The following YIF1B variants were observed in gnomAD, a reference collection of about 807,000 sequenced individuals.
YIF1B encodes the protein protein YIF1B.
A neutral mutation model predicts 34.6 loss-of-function variants in YIF1B; 24 were observed. That is an observed-to-expected ratio of 0.69 (90% CI 0.50 to 0.98). The LOEUF (loss-of-function observed/expected upper bound fraction) is 0.98. Ranked by LOEUF, YIF1B falls within the 50% of genes least tolerant of loss-of-function variation. The probability of loss-of-function intolerance (pLI) is 0.00; values close to 1 mark genes in which losing one functional copy is unlikely to be tolerated. For missense variants in YIF1B, 368 were observed against 429.4 expected (o/e 0.86, Z 1.26); for synonymous variants, 186 against 184.8 (o/e 1.01, Z -0.05).
Position 38,304,920 on chromosome 19 carries a change from A to T in YIF1B, c.*432T>A. On this transcript the variant is annotated 3_prime_UTR_variant, in exon 8 of 8. Transcript: ENST00000339413. ...GAAGCCCAAAGTGAAGAAGAAGGAG[A>T]AGGGCAAGAAGGAGAAGGGCAAGAA... The T allele has an allele frequency of 2.5e-6, 4 of 1,611,176 alleles. No individual in the cohort carries two copies. Among genetic ancestry groups the T allele is most frequent in the South Asian group, 1.1e-5 (1 of 90,832 alleles).
In YIF1B at chr19:38,304,362, C is replaced by T. The variant is rs770454639; in HGVS notation, c.*990G>A. ...GAAGCTGCCTGCACCAACCACCCAACTTCTCTCCACAGCCCTGGAGCCCAC... is the reference window on the plus strand; with the variant it reads ...GAAGCTGCCTGCACCAACCACCCAATTTCTCTCCACAGCCCTGGAGCCCAC... On this transcript the variant is annotated 3_prime_UTR_variant, in exon 8 of 8. Coordinates refer to ENST00000339413, the MANE Select transcript of YIF1B (RefSeq NM_001039672.3). The T allele has an allele frequency of 4.4e-6, 7 of 1,600,772 alleles. No homozygotes were observed. The African/African-American group carries it at 9.3e-5, about 21-fold the overall frequency.
At chr19:38,315,087 C>T (rs1016698372) in intron 1 of YIF1B, among the ~76,000 whole-genome samples, 3 of 151,618 alleles carry the variant, frequency 2.0e-5, no homozygotes, top group Non-Finnish European at 4.4e-5. Flanking sequence ...GGAGAAACCC[C>T]GTCTATACCA....
upstream of YIF1B, among the ~76,000 whole-genome samples, chr19:38,319,495 T>C (rs1600418390): frequency 6.6e-6 from 1 of 152,144 alleles, no homozygotes; most frequent in East Asian, 1.9e-4. Flanking sequence ...GAGAATTGGA[T>C]TTCAGTTTGC....
intron 1 of YIF1B, among the ~76,000 whole-genome samples, chr19:38,311,711 T>C (rs1320376235): frequency 6.6e-6 from 1 of 151,974 alleles, no homozygotes; most frequent in Non-Finnish European, 1.5e-5. Context: ...CAGACAGGAC[T>C]GGGGGTGTAA....
upstream of YIF1B, chr19:38,316,091 G>A: frequency 9.8e-7 from 1 of 1,022,150 alleles, no homozygotes; most frequent in East Asian, 3.3e-5. Flanking sequence ...ACTGGGCGGT[G>A]CCTTACGTAA....
intron 5 of YIF1B, 23 bp from the exon 6 acceptor site, chr19:38,307,775 C>G (rs768893705): frequency 3.2e-5 from 51 of 1,610,096 alleles, no homozygotes; most frequent in Non-Finnish European, 4.2e-5. Flanking sequence ...AGCCCCGCCA[C>G]TTGGTTGGCT....
At chr19:38,319,961 G>C (rs1359494296), upstream of YIF1B, 1 of 1,453,642 alleles carries the variant, frequency 6.9e-7, no homozygotes, top group Non-Finnish European at 9.0e-7. Flanking sequence ...ATGCGGAGGG[G>C]CGCGCTTCTG....
At chr19:38,312,026 C>T (rs1378396251) in intron 1 of YIF1B, among the ~76,000 whole-genome samples, 5 of 151,934 alleles carry the variant, frequency 3.3e-5, no homozygotes, top group African/African-American at 7.3e-5. Context: ...GAACCGGGAC[C>T]GGGGAGGTGG....
intron 1 of YIF1B, among the ~76,000 whole-genome samples, chr19:38,311,279 C>A (rs1292941550): frequency 6.6e-6 from 1 of 151,064 alleles, no homozygotes; most frequent in African/African-American, 2.4e-5. Context: ...ACAGTGAGAC[C>A]CTGTCTCAAA....
At chr19:38,315,275 C>A (rs902214283) in intron 1 of YIF1B, 6 of 598,532 alleles carry the variant, frequency 1.0e-5, no homozygotes, top group Non-Finnish European at 1.3e-5. Context: ...AAAGAAGTAT[C>A]CTCTTCCAGG....
chr19:38,309,744 A>C, intron 1 of YIF1B, 101 bp from the exon 2 acceptor site: 1 of 1,476,934 alleles, frequency 6.8e-7, no homozygotes, highest in Non-Finnish European at 8.9e-7. Flanking sequence ...GCTGCAGAGG[A>C]GGGTGGTGTC....
In YIF1B at chr19:38,309,394, C is replaced by T. The variant is rs201098193; in HGVS notation, c.297+11G>A. Reference sequence around the variant, plus strand: ...TGCATCCCCCCACTCCCACCAGCCCCGCCCACTCACGTTCTTATCCACCAG... The same window carrying T: ...TGCATCCCCCCACTCCCACCAGCCCTGCCCACTCACGTTCTTATCCACCAG... On this transcript the variant is annotated intron_variant, in intron 2 of 7. Coordinates refer to ENST00000339413, the MANE Select transcript of YIF1B (RefSeq NM_001039672.3). 79 of 1,612,552 alleles carry T rather than the reference C, an allele frequency of 4.9e-5. No individual in the cohort carries two copies. The East Asian group carries it at 1.4e-3, about 29-fold the overall frequency.
In YIF1B at chr19:38,305,022, T is replaced by A; in HGVS notation, c.*330A>T. 6.4e-7 allele frequency: 1 copy of A among 1,553,028 alleles called. No homozygotes were observed. Among genetic ancestry groups the A allele is most frequent in the Non-Finnish European group, 8.7e-7 (1 of 1,148,180 alleles). ...CTCTGCCTTCTGCGACTGGTCAGCG[T>A]GGTGCCTACTCTGGCCCGTCCCCAG... On this transcript the variant is annotated 3_prime_UTR_variant, in exon 8 of 8. Coordinates refer to ENST00000339413, the MANE Select transcript of YIF1B (RefSeq NM_001039672.3).
Position 38,305,306 on chromosome 19 carries a change from T to C in YIF1B, c.*46A>G, listed in dbSNP as rs1387718952. On this transcript the variant is annotated 3_prime_UTR_variant, in exon 8 of 8. Transcript: ENST00000339413. Reference sequence around the variant, plus strand: ...CAGGAGATGAGTTCGGCGGCCACAGTGGCCCCCAGCAGCAGCAGCAGCAGC... The same window carrying C: ...CAGGAGATGAGTTCGGCGGCCACAGCGGCCCCCAGCAGCAGCAGCAGCAGC... 2.5e-6 allele frequency: 4 copies of C among 1,579,976 alleles called. No homozygotes were observed. Among genetic ancestry groups the C allele is most frequent in the African/African-American group, 1.3e-5 (1 of 74,540 alleles).
upstream of YIF1B, among the ~76,000 whole-genome samples, chr19:38,318,136 C>T (rs1253608149): frequency 3.1e-5 from 4 of 130,346 alleles, no homozygotes; most frequent in East Asian, 4.7e-4. Flanking sequence ...GAGGTTGCAG[C>T]GAGCCGAGAT....
chr19:38,306,963 G>A (rs1360321649), intron 7 of YIF1B: 4 of 471,604 alleles, frequency 8.5e-6, no homozygotes, highest in East Asian at 6.9e-5. Context: ...TTACAAGCAT[G>A]AGCCACCGCG....
rs577128420 is a variant in YIF1B at position 38,303,841 on chromosome 19, G to A, written c.*1511C>T. 2.6e-5 allele frequency among the ~76,000 whole-genome samples: 4 copies of A among 152,346 alleles called. No homozygotes were observed. In the East Asian group the frequency reaches 5.8e-4, roughly 22 times the overall value. On this transcript the variant is annotated 3_prime_UTR_variant, in exon 8 of 8. Transcript: ENST00000339413. ...TCACCAAGCCGGAGGGGCTGTGGGA[G>A]CGAGTTAGAACACGGGACGCCCCTG...
At chr19:38,315,468 G>A (rs751551669) in intron 1 of YIF1B, 157 of 1,384,822 alleles carry the variant, frequency 1.1e-4, no homozygotes, top group Non-Finnish European at 1.4e-4. Context: ...CACAATACAG[G>A]TTCGCTTCTT....
At chr19:38,320,374 C>A (rs1057194633), upstream of YIF1B, 2 of 1,225,214 alleles carry the variant, frequency 1.6e-6, no homozygotes, top group Admixed American at 2.5e-5. Context: ...TTATCCCAAT[C>A]CCCTCTGGGC....
Sources: gnomAD v4.1 joint callset for allele counts (sites outside exome capture counted in the v4.1 genomes callset) on GRCh38, gnomAD v4.1.1 for gene constraint, MANE v1.5 for transcripts, NCBI Gene and HGNC (gene_info 2026-07-23, HGNC 2026-07-21) for gene names.